PRKD1: variants seen among roughly 807,000 people sequenced by gnomAD.
PRKD1 encodes serine/threonine-protein kinase D1.
PRKD1 carries 63 observed loss-of-function variants against 95.9 expected under a neutral mutation model. The observed-to-expected ratio is 0.66, with a 90% confidence interval of 0.54 to 0.81. The LOEUF is 0.81. PRKD1 is among the 30% of genes least tolerant of loss of function. The pLI is 0.00. For synonymous variants in PRKD1, 425 were observed against 423.1 expected, an observed-to-expected ratio of 1.00 and a Z score of -0.05; for missense variants, 1,048 against 1,165.3, an observed-to-expected ratio of 0.90 and a Z score of 1.47.
In PRKD1 at chr14:29,725,561, G is replaced by A. The variant is rs545895633; in HGVS notation, c.378C>T (p.Gly126=). The A allele has an allele frequency of 2.1e-5, 34 of 1,613,634 alleles. No homozygotes were observed. The highest frequency in any genetic ancestry group is 2.1e-4 in the South Asian group (19 of 91,058). ...LVKAASDIQE[G]DLIEVVLSAS... is the part of the protein sequence containing the mutation. ...CTGACAAGACCACTTCAATAAGATC[G>A]CCTTCCTGGATATCACTGGCCGCTT... Residue 126 remains glycine, a synonymous_variant, in exon 2 of 18, where the codon GGC becomes GGT. Coordinates refer to ENST00000331968, the MANE Select transcript of PRKD1 (RefSeq NM_002742.3).
At position 29,860,271 on chromosome 14, in the gene PRKD1, C is replaced by T. The variant is rs144722405; in HGVS notation, c.264+66978G>A. ...ACCCACTGTGTTGCAGCGAAGGCTG[C>T]GGAGGGAAAAAAGTTCTATTGCAGC... On this transcript the variant is annotated intron_variant, in intron 1 of 17. Transcript: ENST00000331968. Among the ~76,000 whole-genome samples the T allele has an allele frequency of 3.2e-3, 480 of 152,192 alleles. 6 individuals are homozygous for T. Among genetic ancestry groups the T allele is most frequent in the Non-Finnish European group, 4.8e-3 (326 of 68,006 alleles).
chr14:29,875,089 G>A (rs1179643696), intron 1 of PRKD1, among the ~76,000 whole-genome samples: 1 of 152,030 alleles, frequency 6.6e-6, no homozygotes, highest in Non-Finnish European at 1.5e-5. Flanking sequence ...GATGAATAAG[G>A]TAAATATATT....
At chr14:29,867,876 T>C (rs1229784505) in intron 1 of PRKD1, among the ~76,000 whole-genome samples, 2 of 152,250 alleles carry the variant, frequency 1.3e-5, no homozygotes, top group Non-Finnish European at 2.9e-5. Context: ...ATACTTAGTC[T>C]GTGTTTTAAA....
Position 29,577,195 on chromosome 14 carries a change from T to C in PRKD1, c.*43A>G. The C allele has an allele frequency of 1.3e-6, 2 of 1,560,616 alleles. No homozygotes were observed. Among genetic ancestry groups the C allele is most frequent in the Non-Finnish European group, 1.8e-6 (2 of 1,133,434 alleles). On this transcript the variant is annotated 3_prime_UTR_variant, in exon 18 of 18. Transcript: ENST00000331968. ...AAATGTTAAACCTGACCGTATGTAT[T>C]TATTAGTTCCACAGTGTTTTGACAG...
intron 12 of PRKD1, among the ~76,000 whole-genome samples, chr14:29,626,066 T>C (rs1168485397): frequency 6.6e-6 from 1 of 152,104 alleles, no homozygotes; most frequent in Non-Finnish European, 1.5e-5. Context: ...GAAACAAATA[T>C]ATTGTTAAAG....
chr14:29,921,823 A>G (rs373678818), intron 1 of PRKD1, among the ~76,000 whole-genome samples: 1 of 152,158 alleles, frequency 6.6e-6, no homozygotes, highest in Non-Finnish European at 1.5e-5. Context: ...TACACAGTGT[A>G]CTTTTACTCT....
At chr14:29,754,351 C>A (rs1372172711) in intron 1 of PRKD1, among the ~76,000 whole-genome samples, 1 of 152,152 alleles carries the variant, frequency 6.6e-6, no homozygotes, top group Non-Finnish European at 1.5e-5. Context: ...TCATCAAATT[C>A]ATCAATTATG....
At chr14:29,684,912 GC>G (rs1883768237) in intron 2 of PRKD1, among the ~76,000 whole-genome samples, 1 of 152,154 alleles carries the variant, frequency 6.6e-6, no homozygotes. Context: ...TGCTTTTCAT[GC>G]TTTGATTTCT....
intron 4 of PRKD1, among the ~76,000 whole-genome samples, chr14:29,655,282 CT>C (rs999959602): frequency 6.6e-6 from 1 of 152,124 alleles, no homozygotes; most frequent in Non-Finnish European, 1.5e-5. Context: ...AAGTAGGACA[CT>C]TTTTGAGTAA....
At chr14:29,581,360 G>C (rs1026938881) in intron 16 of PRKD1, among the ~76,000 whole-genome samples, 1 of 151,922 alleles carries the variant, frequency 6.6e-6, no homozygotes, top group African/African-American at 2.4e-5. Context: ...TAGGATTGAG[G>C]GGTTTTCATT....
chr14:29,584,546 C>T (rs930156522), intron 16 of PRKD1, among the ~76,000 whole-genome samples: 6 of 151,962 alleles, frequency 3.9e-5, no homozygotes, highest in African/African-American at 1.2e-4. Flanking sequence ...CATTTTTTTT[C>T]GCACATAAGT....
At chr14:29,806,364 G>T (rs955419981) in intron 1 of PRKD1, among the ~76,000 whole-genome samples, 2 of 152,144 alleles carry the variant, frequency 1.3e-5, no homozygotes, top group African/African-American at 4.8e-5. Context: ...CTTGGGAGAA[G>T]GAGGGTATGC....
At chr14:29,604,745 T>C (rs1163076379) in intron 13 of PRKD1, among the ~76,000 whole-genome samples, 1 of 152,182 alleles carries the variant, frequency 6.6e-6, no homozygotes, top group East Asian at 1.9e-4. Flanking sequence ...TATACTTACC[T>C]GATAGAGAAT....
chr14:29,887,921 CTTG>C (rs923516850), intron 1 of PRKD1, among the ~76,000 whole-genome samples: 5 of 152,134 alleles, frequency 3.3e-5, no homozygotes, highest in African/African-American at 7.2e-5. Context: ...AGAATGTATC[CTTG>C]TTGTTAAGAG....
At chr14:29,673,121 A>T (rs1882962619) in intron 2 of PRKD1, among the ~76,000 whole-genome samples, 1 of 152,254 alleles carries the variant, frequency 6.6e-6, no homozygotes, top group South Asian at 2.1e-4. Context: ...TCCTGCCAGG[A>T]AGATGTTGCT....
intron 11 of PRKD1, 108 bp from the exon 12 acceptor site, chr14:29,626,664 TA>T (rs1879646699): frequency 2.1e-6 from 1 of 485,130 alleles, no homozygotes. Flanking sequence ...ATTTTAAAAA[TA>T]AATTATAAAT....
chr14:29,852,239 G>T (rs935239277), intron 1 of PRKD1, among the ~76,000 whole-genome samples: 4 of 152,014 alleles, frequency 2.6e-5, no homozygotes, highest in Non-Finnish European at 5.9e-5. Flanking sequence ...TAAAATAAAA[G>T]TTGAGAAAAT....
At chr14:29,832,400 G>T (rs1891445704) in intron 1 of PRKD1, among the ~76,000 whole-genome samples, 1 of 151,950 alleles carries the variant, frequency 6.6e-6, no homozygotes, top group South Asian at 2.1e-4. Context: ...TGACATGTTT[G>T]CATTTCTCTT....
Position 29,801,101 on chromosome 14 carries a change from A to C in PRKD1, c.265-75427T>G, listed in dbSNP as rs28502001. Among the ~76,000 whole-genome samples the C allele has an allele frequency of 4.9e-3, 746 of 152,000 alleles. 6 individuals are homozygous for C. Among genetic ancestry groups the C allele is most frequent in the African/African-American group, 0.015 (636 of 41,468 alleles). ...TGTGTGTGTTTGTGTGTGTGTGTAAATGTCTCATGCCATTGTAGAGACTGG... is the reference window on the plus strand; with the variant it reads ...TGTGTGTGTTTGTGTGTGTGTGTAACTGTCTCATGCCATTGTAGAGACTGG... On this transcript the variant is annotated intron_variant, in intron 1 of 17. Transcript: ENST00000331968.
Sources: allele counts gnomAD v4.1 joint callset (sites outside exome capture counted in the v4.1 genomes callset), GRCh38; gene constraint gnomAD v4.1.1; transcripts MANE v1.5; gene names NCBI Gene and HGNC (gene_info 2026-07-23, HGNC 2026-07-21).